CTNNA2: variants seen among roughly 807,000 people sequenced by gnomAD.
CTNNA2 encodes catenin alpha-2.
Under a neutral mutation model 101.0 loss-of-function variants are expected in CTNNA2, and 42 were observed. The observed-to-expected ratio is 0.42, with a 90% CI of 0.32 to 0.54. The LOEUF is 0.54. Ranked by LOEUF, CTNNA2 falls within the 20% of genes least tolerant of loss-of-function variation. The pLI, the probability that CTNNA2 is intolerant of heterozygous loss-of-function variation, is 0.14. For missense variants in CTNNA2, 871 were observed against 1,223.1 expected (o/e 0.71, Z 4.29); for synonymous variants, 450 against 456.4 (o/e 0.99, Z 0.18).
intron 9 of CTNNA2, among the ~76,000 whole-genome samples, chr2:80,542,870 T>C (rs1171601339): frequency 9.6e-6 from 1 of 104,456 alleles, no homozygotes; most frequent in Non-Finnish European, 1.9e-5. Flanking sequence ...TCCACTATCC[T>C]GATTTTTTCC....
intron 12 of CTNNA2, among the ~76,000 whole-genome samples, chr2:80,563,362 T>A (rs1693774180): frequency 6.6e-6 from 1 of 152,166 alleles, no homozygotes; most frequent in African/African-American, 2.4e-5. Context: ...AAGAATATGC[T>A]AACAGCCACT....
chr2:79,355,864 C>T (rs1009978998), intron 3 of CTNNA2, among the ~76,000 whole-genome samples: 7 of 151,994 alleles, frequency 4.6e-5, no homozygotes, highest in Non-Finnish European at 8.8e-5. Flanking sequence ...GGGTAGTTTC[C>T]ACCATTTGGC....
At chr2:80,088,018 A>C (rs983506320) in intron 7 of CTNNA2, among the ~76,000 whole-genome samples, 1 of 152,016 alleles carries the variant, frequency 6.6e-6, no homozygotes, top group African/African-American at 2.4e-5. Flanking sequence ...TCTCAGGGGC[A>C]AGGAACTACC....
At chr2:79,872,943 T>C (rs1188631821) in intron 5 of CTNNA2, among the ~76,000 whole-genome samples, 1 of 152,220 alleles carries the variant, frequency 6.6e-6, no homozygotes, top group Non-Finnish European at 1.5e-5. Context: ...GAACATTTTC[T>C]TAACAACAGC....
At chr2:79,612,925 T>A (rs1262238139) in intron 1 of CTNNA2, among the ~76,000 whole-genome samples, 1 of 152,148 alleles carries the variant, frequency 6.6e-6, no homozygotes, top group Non-Finnish European at 1.5e-5. Context: ...AATTTAAACT[T>A]CTTGTTTAGA....
chr2:80,224,131 G>A (rs1708733727), intron 7 of CTNNA2, among the ~76,000 whole-genome samples: 3 of 152,050 alleles, frequency 2.0e-5, no homozygotes, highest in African/African-American at 7.2e-5. Context: ...CATGTCCCTA[G>A]AGCTTAGGAT....
chr2:79,731,422 T>C (rs1687187773), intron 2 of CTNNA2, among the ~76,000 whole-genome samples: 1 of 152,106 alleles, frequency 6.6e-6, no homozygotes, highest in South Asian at 2.1e-4. Context: ...AACTGACTAA[T>C]GTGTTTTTCT....
intron 1 of CTNNA2, among the ~76,000 whole-genome samples, chr2:79,597,185 GC>G (rs1204974633): frequency 1.3e-5 from 2 of 152,074 alleles, no homozygotes; most frequent in African/African-American, 2.4e-5. Flanking sequence ...AATATTAGCT[GC>G]CCCCGTCCGG....
At chr2:79,365,418 T>A (rs567133245) in intron 3 of CTNNA2, among the ~76,000 whole-genome samples, 260 of 151,174 alleles carry the variant, frequency 1.7e-3, no homozygotes, top group Non-Finnish European at 3.3e-3. Context: ...AGCCCAGGAG[T>A]TTGAAACCAG....
chr2:80,424,002 C>A (rs1680761688), intron 9 of CTNNA2, among the ~76,000 whole-genome samples: 1 of 152,112 alleles, frequency 6.6e-6, no homozygotes, highest in South Asian at 2.1e-4. Flanking sequence ...GTCGCCTGGG[C>A]TGGAGTGCAG....
chr2:79,365,280 A>G (rs887352008), intron 3 of CTNNA2, among the ~76,000 whole-genome samples: 1 of 82,712 alleles, frequency 1.2e-5, no homozygotes, highest in Non-Finnish European at 2.5e-5. Context: ...CCATCTCAAA[A>G]ATAAAAAAAA....
intron 7 of CTNNA2, among the ~76,000 whole-genome samples, chr2:80,035,859 C>T (rs992163443): frequency 6.6e-6 from 1 of 152,154 alleles, no homozygotes; most frequent in African/African-American, 2.4e-5. Context: ...TTCAGTGCAG[C>T]CTGAGGAACT....
At chr2:80,573,927 G>C (rs6719427) in intron 12 of CTNNA2, among the ~76,000 whole-genome samples, 75,979 of 151,978 alleles carry the variant, frequency 0.5, 19,195 homozygotes, top group Middle Eastern at 0.59. Context: ...TAAAAACTTT[G>C]TCTTTTGCAA....
At chr2:80,113,427 C>T (rs1344381689) in intron 7 of CTNNA2, among the ~76,000 whole-genome samples, 1 of 152,148 alleles carries the variant, frequency 6.6e-6, no homozygotes, top group African/African-American at 2.4e-5. Context: ...TTTGAATTTT[C>T]TTTTCTATAA....
At chr2:79,247,566 G>A (rs991548151) in intron 2 of CTNNA2, among the ~76,000 whole-genome samples, 1 of 152,148 alleles carries the variant, frequency 6.6e-6, no homozygotes, top group Non-Finnish European at 1.5e-5. Context: ...TCAAATAGTA[G>A]TTAATCTTGA....
At chr2:80,583,991 A>T (rs1449939164) in intron 14 of CTNNA2, among the ~76,000 whole-genome samples, 1 of 152,184 alleles carries the variant, frequency 6.6e-6, no homozygotes, top group African/African-American at 2.4e-5. Flanking sequence ...TGCAGCAGAC[A>T]GCATTACTTA....
chr2:79,968,896 C>CA (rs1009363374), intron 7 of CTNNA2, among the ~76,000 whole-genome samples: 3 of 151,846 alleles, frequency 2.0e-5, no homozygotes, highest in Non-Finnish European at 4.4e-5. Context: ...ACTGATCTTC[C>CA]AACTACCCCT....
chr2:80,398,276 A>C (rs1211732253), intron 8 of CTNNA2, among the ~76,000 whole-genome samples: 1 of 152,192 alleles, frequency 6.6e-6, no homozygotes, highest in Non-Finnish European at 1.5e-5. Context: ...GTTCATTGTA[A>C]AAAAATTTTA....
rs772031423 is a variant in CTNNA2 at position 80,387,120 on chromosome 2, T to C, written c.1057-6091T>C. Among the ~76,000 whole-genome samples, 72 of 152,044 alleles carry C rather than the reference T, an allele frequency of 4.7e-4. 1 individual carries two copies. Among genetic ancestry groups the C allele is most frequent in the Non-Finnish European group, 8.5e-4 (58 of 67,982 alleles). ...TGGCTAACATGGTGAAACCCCGTCT[T>C]TATTAAAAATACAAAAAAATTAGCC... is the stretch of plus-strand genomic sequence containing the variant. On this transcript the variant is annotated intron_variant, in intron 7 of 18. Coordinates refer to ENST00000402739, the MANE Select transcript of CTNNA2 (RefSeq NM_001282597.3).
Sources: allele counts gnomAD v4.1 joint callset (sites outside exome capture counted in the v4.1 genomes callset), GRCh38; gene constraint gnomAD v4.1.1; transcripts MANE v1.5; gene names NCBI Gene and HGNC (gene_info 2026-07-23, HGNC 2026-07-21).